The following BAZ2B variants were observed in gnomAD, a reference collection of about 807,000 sequenced individuals.
BAZ2B encodes the protein bromodomain adjacent to zinc finger domain 2B.
BAZ2B carries 91 observed loss-of-function variants against 246.0 expected under a neutral mutation model. That is an observed-to-expected ratio of 0.37 (90% CI 0.31 to 0.44). The LOEUF (loss-of-function observed/expected upper bound fraction) is 0.44, where lower values mean the gene tolerates loss of function less well. Among genes scored for constraint, BAZ2B ranks in the 20% least tolerant of loss-of-function variants. The pLI, the probability that BAZ2B is intolerant of heterozygous loss-of-function variation, is 1.00. For missense variants in BAZ2B, 2,332 were observed against 2,533.7 expected (o/e 0.92, Z 1.71); for synonymous variants, 855 against 860.0 (o/e 0.99, Z 0.10).
At chr2:159,631,934 A>G in the BAZ2B span, among the ~76,000 whole-genome samples, 1 of 152,170 alleles carries the variant, frequency 6.6e-6, no homozygotes, top group Non-Finnish European at 1.5e-5. Context: ...TTCAACATAG[A>G]TTTCATTTTT....
chr2:159,594,966 T>C (rs993525869), intron 1 of BAZ2B, among the ~76,000 whole-genome samples: 1 of 152,108 alleles, frequency 6.6e-6, no homozygotes, highest in Admixed American at 6.5e-5. Context: ...AAGTATATTT[T>C]GCAGCATGGC....
the BAZ2B span, among the ~76,000 whole-genome samples, chr2:159,673,480 T>C: frequency 6.6e-6 from 1 of 152,196 alleles, no homozygotes; most frequent in African/African-American, 2.4e-5. Flanking sequence ...TGTTTATCCT[T>C]TGATTTAACA....
chr2:159,431,856 C>T (rs2071183322), intron 9 of BAZ2B, among the ~76,000 whole-genome samples: 1 of 152,130 alleles, frequency 6.6e-6, no homozygotes, highest in Admixed American at 6.5e-5. Context: ...GTTCACGGTA[C>T]AATAGCTTCT....
intron 27 of BAZ2B, among the ~76,000 whole-genome samples, chr2:159,361,960 G>A (rs893714720): frequency 1.1e-4 from 16 of 150,542 alleles, no homozygotes; most frequent in Non-Finnish European, 2.2e-4. Context: ...TGTCGGGGGG[G>A]TGAGGGTCTG....
At chr2:159,393,259 A>G (rs1479568248) in intron 20 of BAZ2B, among the ~76,000 whole-genome samples, 2 of 152,138 alleles carry the variant, frequency 1.3e-5, no homozygotes, top group Admixed American at 1.3e-4. Flanking sequence ...GTGTCAGGAT[A>G]TGATCTGGTT....
chr2:159,595,356 C>T (rs558803737), intron 1 of BAZ2B, among the ~76,000 whole-genome samples: 1 of 152,246 alleles, frequency 6.6e-6, no homozygotes, highest in Non-Finnish European at 1.5e-5. Flanking sequence ...CCCACCTCGG[C>T]CTCCCAAAGT....
chr2:159,660,577 G>A, the BAZ2B span, among the ~76,000 whole-genome samples: 1 of 152,108 alleles, frequency 6.6e-6, no homozygotes, highest in Admixed American at 6.6e-5. Context: ...CATAAGCAGT[G>A]TACAAGGGTT....
At chr2:159,519,175 T>C (rs2083760635) in intron 2 of BAZ2B, among the ~76,000 whole-genome samples, 1 of 149,964 alleles carries the variant, frequency 6.7e-6, no homozygotes, top group South Asian at 2.1e-4. Context: ...TTATGTTAAA[T>C]TCCATTTTCA....
At chr2:159,412,656 A>C in intron 13 of BAZ2B, 111 bp from the exon 14 acceptor site, 1 of 977,598 alleles carries the variant, frequency 1.0e-6, no homozygotes, top group Non-Finnish European at 1.5e-6. Flanking sequence ...AATTTACAAC[A>C]TTAGTATAAG....
the BAZ2B span, among the ~76,000 whole-genome samples, chr2:159,674,530 C>T: frequency 6.6e-6 from 1 of 151,790 alleles, no homozygotes; most frequent in African/African-American, 2.4e-5. Context: ...GCCTGGCCAA[C>T]ATGGTGAAAC....
chr2:159,431,898 C>T (rs1346612988), intron 9 of BAZ2B, among the ~76,000 whole-genome samples: 1 of 151,994 alleles, frequency 6.6e-6, no homozygotes, highest in Non-Finnish European at 1.5e-5. Context: ...TACCATTTGC[C>T]TATATTGAAA....
chr2:159,462,761 G>C (rs559793283), intron 3 of BAZ2B: 1 of 1,414,356 alleles, frequency 7.1e-7, no homozygotes. Flanking sequence ...GAAGTTTTTA[G>C]GCTGACACTC....
chr2:159,512,476 CA>C (rs1211940920), intron 2 of BAZ2B, among the ~76,000 whole-genome samples: 1 of 152,020 alleles, frequency 6.6e-6, no homozygotes, highest in Non-Finnish European at 1.5e-5. Flanking sequence ...CAGTAAGAAA[CA>C]TAGCTATTTA....
chr2:159,574,524 T>C (rs1446627294), intron 1 of BAZ2B, among the ~76,000 whole-genome samples: 4 of 152,116 alleles, frequency 2.6e-5, no homozygotes, highest in African/African-American at 7.2e-5. Flanking sequence ...CCTAGTTATA[T>C]GCACAAGAGA....
At chr2:159,536,046 C>A (rs925710436) in intron 2 of BAZ2B, among the ~76,000 whole-genome samples, 3 of 152,146 alleles carry the variant, frequency 2.0e-5, no homozygotes, top group Non-Finnish European at 4.4e-5. Context: ...AAATTATATA[C>A]AGATTTGCTG....
chr2:159,604,696 T>G (rs540758800), intron 1 of BAZ2B, among the ~76,000 whole-genome samples: 1 of 152,226 alleles, frequency 6.6e-6, no homozygotes, highest in African/African-American at 2.4e-5. Context: ...TAATAGAAAT[T>G]TTAGAGAATA....
At chr2:159,548,488 T>A (rs1036379307) in intron 2 of BAZ2B, among the ~76,000 whole-genome samples, 1 of 151,626 alleles carries the variant, frequency 6.6e-6, no homozygotes, top group Non-Finnish European at 1.5e-5. Flanking sequence ...AAGTCTCAGT[T>A]TGGGCATCTG....
chr2:159,700,620 A>AT, the BAZ2B span, among the ~76,000 whole-genome samples: 3 of 151,700 alleles, frequency 2.0e-5, no homozygotes, highest in Non-Finnish European at 4.4e-5. Context: ...TAATTTTTGT[A>AT]TTTTTTTGTA....
chr2:159,528,848 G>C (rs1339473159), intron 2 of BAZ2B, among the ~76,000 whole-genome samples: 1 of 151,498 alleles, frequency 6.6e-6, no homozygotes, highest in Non-Finnish European at 1.5e-5. Flanking sequence ...GGTCAAATAA[G>C]TTGGAGGTTC....
Sources: gnomAD v4.1 joint callset for allele counts (sites outside exome capture counted in the v4.1 genomes callset) on GRCh38, gnomAD v4.1.1 for gene constraint, MANE v1.5 for transcripts, NCBI Gene and HGNC (gene_info 2026-07-23, HGNC 2026-07-21) for gene names.